The following KIF2B variants were observed in gnomAD, a reference collection of about 807,000 sequenced individuals.
The protein encoded by KIF2B is kinesin-like protein KIF2B.
In KIF2B, 5 loss-of-function variants were observed where a neutral mutation model predicts 6.8. That is an observed-to-expected ratio of 0.74 (90% CI 0.39 to 1.55). The LOEUF is 1.55. KIF2B is among the 40% of genes most tolerant of loss of function. KIF2B has a pLI of 0.03. For synonymous variants in KIF2B, 370 were observed against 330.7 expected (o/e 1.12, Z -1.29); for missense variants, 908 against 831.3 (o/e 1.09, Z -1.13).
rs747657092 is a variant in KIF2B at position 53,824,288 on chromosome 17, A to T, written c.1255A>T (p.Asn419Tyr). 1 of 1,614,126 alleles carries T rather than the reference A, an allele frequency of 6.2e-7. No individual in the cohort carries two copies. The highest frequency in any genetic ancestry group is 2.2e-5 in the East Asian group (1 of 44,870). The change falls in exon 1 of 1, where the codon AAC (asparagine) becomes TAC (tyrosine). Residue 419 changes from asparagine (N) to tyrosine (Y), a missense_variant. Asn to Tyr is a moderately radical substitution (Grantham distance 143, BLOSUM62 -2). Coordinates refer to ENST00000268919, the MANE Select transcript of KIF2B (RefSeq NM_032559.5). ...TCGGACTTCCAGGCAAACACCTGTC[A>T]ACGCTCACTCATCCAGGAGCCATGC... is the stretch of plus-strand genomic sequence containing the variant. ...SCRTSRQTPV[N>Y]AHSSRSHAVF...
rs1252293371 is a variant in KIF2B at position 53,823,858 on chromosome 17, C to T, written c.825C>T (p.Ser275=). ...ACCATGCCTTCGATGACAAAGCCTC[C>T]AACGAGTTGGTGTACCAGTTCACCG... The part of the protein sequence containing the change: ...CFDHAFDDKA[S]NELVYQFTAQ... Residue 275 remains serine, a synonymous_variant, in exon 1 of 1, where the codon TCC becomes TCT. Coordinates refer to ENST00000268919, the MANE Select transcript of KIF2B (RefSeq NM_032559.5). 8.7e-6 allele frequency: 14 copies of T among 1,614,234 alleles called. No homozygotes were observed. Among genetic ancestry groups the T allele is most frequent in the Non-Finnish European group, 1.1e-5 (13 of 1,180,050 alleles).
rs753437090 is a variant in KIF2B, at chr17:53,824,616, A to G, written c.1583A>G (p.Glu528Gly). 1 of 1,614,168 alleles carries G rather than the reference A, an allele frequency of 6.2e-7. No homozygotes were observed. Among genetic ancestry groups the G allele is most frequent in the Non-Finnish European group, 8.5e-7 (1 of 1,180,026 alleles). The change falls in exon 1 of 1, where the codon GAA becomes GGA. Residue 528 changes from glutamate (E) to glycine (G), a missense_variant. Coordinates refer to ENST00000268919, the MANE Select transcript of KIF2B (RefSeq NM_032559.5). The stretch of plus-strand genomic sequence containing the variant: ...ATCTCTCCGGGGATGACCTCTTGTG[A>G]AAACACTCTCAACACTTTAAGATAT... ...ATISPGMTSC[E>G]NTLNTLRYAN...
At position 53,822,931 on chromosome 17, in the gene KIF2B, A is replaced by C; in HGVS notation, c.-103A>C. The C allele has an allele frequency of 9.6e-7, 1 of 1,046,092 alleles. No individual in the cohort carries two copies. Among genetic ancestry groups the C allele is most frequent in the Non-Finnish European group, 1.4e-6 (1 of 720,398 alleles). The allele number at this position is 1,046,092 out of a possible 1,614,324, so 64.8% of individuals were successfully genotyped here. The stretch of plus-strand genomic sequence containing the variant: ...GCTAGGCTCACAAAGGCAGGCACAG[A>C]CTGCAACCCTGCTCAGTGCTCCGGG... On this transcript the variant is annotated 5_prime_UTR_variant, in exon 1 of 1. Transcript: ENST00000268919.
chr17:53,824,663 A>G lies in KIF2B; in HGVS notation c.1630A>G (p.Asn544Asp), dbSNP rs2143786360. 1 of 1,614,158 alleles carries G rather than the reference A, an allele frequency of 6.2e-7. No homozygotes were observed. The change falls in exon 1 of 1, where the codon AAT (asparagine) becomes GAT (aspartate). Residue 544 changes from asparagine (N) to aspartate (D), a missense_variant. By Grantham distance (23) the Asn-to-Asp change is conservative. Transcript: ENST00000268919. Reference protein sequence around the residue: ...LRYANRVKKLNVDVRPYHRGH... With the variant: ...LRYANRVKKLDVDVRPYHRGH... ...ATATGCAAACAGAGTAAAAAAATTA[A>G]ATGTAGATGTAAGGCCCTACCATCG... is the stretch of plus-strand genomic sequence containing the variant.
Position 53,823,123 on chromosome 17 carries a change from CT to C in KIF2B, c.91del (p.Tyr31ThrfsTer28). Reference protein sequence around the residue: ...PHFGDIQEGIYVAIQRSDKRI... With the variant: ...PHFGDIQEGIXVAIQRSDKRI... The stretch of plus-strand genomic sequence containing the variant: ...ATTTCGGAGACATCCAAGAGGGCAT[CT>C]ACGTGGCGATCCAGCGCAGTGACAA... On this transcript the variant is annotated frameshift_variant, in exon 1 of 1. Coordinates refer to ENST00000268919, the MANE Select transcript of KIF2B (RefSeq NM_032559.5). LOFTEE classifies it low-confidence loss of function (END_TRUNC). The C allele has an allele frequency of 6.2e-7, 1 of 1,614,214 alleles. No individual in the cohort carries two copies. The highest frequency in any genetic ancestry group is 1.6e-4 in the Middle Eastern group (1 of 6,062).
Position 53,823,342 on chromosome 17 carries a change from T to C in KIF2B, c.309T>C (p.Ser103=), listed in dbSNP as rs2143778990. The change falls in exon 1 of 1, where the codon TCT becomes TCC. Residue 103 remains serine, a synonymous_variant. Coordinates refer to ENST00000268919, the MANE Select transcript of KIF2B (RefSeq NM_032559.5). ...TATCCCCCTTGGCTCTGGCGCCCTC[T>C]TCGGCCATCAGGGACCAGCGTACCG... is the stretch of plus-strand genomic sequence containing the variant. ...PPLSPLALAP[S]SAIRDQRTAT... 2 of 1,614,112 alleles carry C rather than the reference T, an allele frequency of 1.2e-6. No individual in the cohort carries two copies. Among genetic ancestry groups the C allele is most frequent in the Non-Finnish European group, 1.7e-6 (2 of 1,180,032 alleles).
In KIF2B at chr17:53,824,494, G is replaced by A. The variant is rs1344491023; in HGVS notation, c.1461G>A (p.Gln487=). The change falls in exon 1 of 1, where the codon CAG becomes CAA. Residue 487 remains glutamine (Q), a synonymous_variant. Transcript: ENST00000268919. The part of the protein sequence containing the change: ...ALKECILALG[Q]NKPHTPFRAS... The stretch of plus-strand genomic sequence containing the variant: ...AAGAATGTATTCTGGCTTTGGGTCA[G>A]AACAAGCCTCACACCCCATTCAGAG... 6.2e-7 allele frequency: 1 copy of A among 1,614,112 alleles called. No individual in the cohort carries two copies. The highest frequency in any genetic ancestry group is 8.5e-7 in the Non-Finnish European group (1 of 1,180,028).
At position 53,823,614 on chromosome 17, in the gene KIF2B, A is replaced by G. The variant is rs1906468616; in HGVS notation, c.581A>G (p.Tyr194Cys). The stretch of plus-strand genomic sequence containing the variant: ...GAAATCATGCACATGATCGAAGAGT[A>G]TCGCAGGCACCTGGACAGCAGCAAG... Reference protein sequence around the residue: ...NYEIMHMIEEYRRHLDSSKIS... With the variant: ...NYEIMHMIEECRRHLDSSKIS... The change falls in exon 1 of 1, where the codon TAT becomes TGT. Residue 194 changes from tyrosine to cysteine, a missense_variant. Tyr to Cys is a radical substitution (Grantham distance 194, BLOSUM62 -2). Transcript: ENST00000268919. 1 of 1,613,322 alleles carries G rather than the reference A, an allele frequency of 6.2e-7. No individual in the cohort carries two copies. The highest frequency in any genetic ancestry group is 8.5e-7 in the Non-Finnish European group (1 of 1,180,052).
chr17:53,824,037 A>T lies in KIF2B; in HGVS notation c.1004A>T (p.Asp335Val), dbSNP rs1236555414. 1 of 1,614,212 alleles carries T rather than the reference A, an allele frequency of 6.2e-7. No homozygotes were observed. The highest frequency in any genetic ancestry group is 8.5e-7 in the Non-Finnish European group (1 of 1,180,036). The change falls in exon 1 of 1, where the codon GAT becomes GTT. Residue 335 changes from aspartate to valine, a missense_variant. By Grantham distance (152) the Asp-to-Val change is radical. Transcript: ENST00000268919. ...SKGIYALVAQ[D>V]VFLLLRNSTY... Reference sequence around the variant, plus strand: ...GGCATTTATGCTCTGGTGGCACAGGATGTCTTTCTCCTGCTCAGAAACTCC... The same window carrying T: ...GGCATTTATGCTCTGGTGGCACAGGTTGTCTTTCTCCTGCTCAGAAACTCC...
At position 53,822,937 on chromosome 17, in the gene KIF2B, A is replaced by T. The variant is rs1044281072; in HGVS notation, c.-97A>T. On this transcript the variant is annotated 5_prime_UTR_variant, in exon 1 of 1. Coordinates refer to ENST00000268919, the MANE Select transcript of KIF2B (RefSeq NM_032559.5). ...CTCACAAAGGCAGGCACAGACTGCAACCCTGCTCAGTGCTCCGGGCGCTTC... is the reference window on the plus strand; with the variant it reads ...CTCACAAAGGCAGGCACAGACTGCATCCCTGCTCAGTGCTCCGGGCGCTTC... 6.2e-6 allele frequency: 7 copies of T among 1,120,218 alleles called. No homozygotes were observed. In the African/African-American group the frequency reaches 9.4e-5, roughly 15 times the overall value. The allele number at this position is 1,120,218 out of a possible 1,614,324, so 69.4% of individuals were successfully genotyped here.
In KIF2B at chr17:53,824,924, C is replaced by T. The variant is rs770435453; in HGVS notation, c.1891C>T (p.His631Tyr). ...CATCCAGGAGAGAGCTGGTGGAGTA[C>T]ACCATGATATTGATTTTTGCATTGC... ...ENIQERAGGV[H>Y]HDIDFCIARS... Residue 631 changes from histidine (H) to tyrosine (Y), a missense_variant, in exon 1 of 1, where the codon CAC becomes TAC. By Grantham distance (83) the His-to-Tyr change is moderately conservative. Coordinates refer to ENST00000268919, the MANE Select transcript of KIF2B (RefSeq NM_032559.5). 10 of 1,614,060 alleles carry T rather than the reference C, an allele frequency of 6.2e-6. No homozygotes were observed. The Admixed American group carries it at 1.0e-4, about 16-fold the overall frequency.
At position 53,823,468 on chromosome 17, in the gene KIF2B, A is replaced by C. The variant is rs773091731; in HGVS notation, c.435A>C (p.Lys145Asn). 3.1e-6 allele frequency: 5 copies of C among 1,614,038 alleles called. No individual in the cohort carries two copies. In the South Asian group the frequency reaches 5.5e-5, roughly 18 times the overall value. The part of the protein sequence containing the change: ...VPSKPCLMKQ[K>N]KSPCLWEIQK... The stretch of plus-strand genomic sequence containing the variant: ...GCAAACCTTGTCTGATGAAGCAGAA[A>C]AAGTCTCCCTGCCTCTGGGAAATCC... Residue 145 changes from lysine (K) to asparagine (N), a missense_variant, in exon 1 of 1, where the codon AAA becomes AAC. Physicochemically the swap from Lys to Asn is moderately conservative, Grantham distance 94. Transcript: ENST00000268919.
rs2143777245 is a variant in KIF2B at position 53,823,032 on chromosome 17, C to T, written c.-2C>T. ...CGCTCCCTGATACCTCCATCACTCA[C>T]CATGGCCAGCCAGTTCTGCCTCCCT... On this transcript the variant is annotated 5_prime_UTR_variant, in exon 1 of 1. Transcript: ENST00000268919. The T allele has an allele frequency of 6.2e-7, 1 of 1,612,242 alleles. No homozygotes were observed. The highest frequency in any genetic ancestry group is 8.5e-7 in the Non-Finnish European group (1 of 1,178,808).
Position 53,824,167 on chromosome 17 carries a change from G to A in KIF2B, c.1134G>A (p.Glu378=), listed in dbSNP as rs2143783900. ...GGAAGAAGAAGCTGCAAGTCCTTGA[G>A]GATGGCAATCAGCAAATCCAAGTGG... ...LNWKKKLQVL[E]DGNQQIQVVG... The change falls in exon 1 of 1, where the codon GAG becomes GAA. Residue 378 remains glutamate, a synonymous_variant. Transcript: ENST00000268919. 6.2e-7 allele frequency: 1 copy of A among 1,614,220 alleles called. No homozygotes were observed. The highest frequency in any genetic ancestry group is 8.5e-7 in the Non-Finnish European group (1 of 1,180,050).
rs1390379067 is a variant in KIF2B, at chr17:53,824,452, G to C, written c.1419G>C (p.Lys473Asn). 1.9e-6 allele frequency: 3 copies of C among 1,614,010 alleles called. No individual in the cohort carries two copies. The African/African-American group carries it at 4.0e-5, about 22-fold the overall frequency. ...KRQLEGAEIN[K>N]SLLALKECIL... is the part of the protein sequence containing the mutation. ...AGCTGGAAGGGGCAGAGATTAACAAGAGTCTTCTAGCCCTCAAAGAATGTA... is the reference window on the plus strand; with the variant it reads ...AGCTGGAAGGGGCAGAGATTAACAACAGTCTTCTAGCCCTCAAAGAATGTA... The change falls in exon 1 of 1, where the codon AAG becomes AAC. Residue 473 changes from lysine to asparagine, a missense_variant. Coordinates refer to ENST00000268919, the MANE Select transcript of KIF2B (RefSeq NM_032559.5).
rs372345633 is a variant in KIF2B at position 53,824,637 on chromosome 17, G to T, written c.1604G>T (p.Arg535Ile). ...TGTGAAAACACTCTCAACACTTTAA[G>T]ATATGCAAACAGAGTAAAAAAATTA... The part of the protein sequence containing the change: ...TSCENTLNTL[R>I]YANRVKKLNV... The change falls in exon 1 of 1, where the codon AGA becomes ATA. Residue 535 changes from arginine to isoleucine, a missense_variant. Arg to Ile is a moderately conservative substitution (Grantham distance 97, BLOSUM62 -3). Transcript: ENST00000268919. 1.9e-5 allele frequency: 31 copies of T among 1,613,980 alleles called. No homozygotes were observed. Among genetic ancestry groups the T allele is most frequent in the African/African-American group, 1.6e-4 (12 of 74,904 alleles).
chr17:53,824,293 T>G lies in KIF2B; in HGVS notation c.1260T>G (p.Ala420=), dbSNP rs1232084117. 1.2e-6 allele frequency: 2 copies of G among 1,613,984 alleles called. No individual in the cohort carries two copies. Among genetic ancestry groups the G allele is most frequent in the Non-Finnish European group, 1.7e-6 (2 of 1,180,024 alleles). Residue 420 remains alanine (A), a synonymous_variant, in exon 1 of 1, where the codon GCT becomes GCG. Transcript: ENST00000268919. The stretch of plus-strand genomic sequence containing the variant: ...CTTCCAGGCAAACACCTGTCAACGC[T>G]CACTCATCCAGGAGCCATGCAGTGT... ...CRTSRQTPVN[A]HSSRSHAVFQ... is the part of the protein sequence containing the mutation.
At position 53,824,260 on chromosome 17, in the gene KIF2B, C is replaced by T. The variant is rs149955132; in HGVS notation, c.1227C>T (p.Ser409=). Residue 409 remains serine (S), a synonymous_variant, in exon 1 of 1, where the codon AGC becomes AGT. Transcript: ENST00000268919. ...EVLNLVEIGN[S]CRTSRQTPVN... Reference sequence around the variant, plus strand: ...TGAACCTGGTGGAAATAGGGAATAGCTGTCGGACTTCCAGGCAAACACCTG... The same window carrying T: ...TGAACCTGGTGGAAATAGGGAATAGTTGTCGGACTTCCAGGCAAACACCTG... The T allele has an allele frequency of 4.3e-6, 7 of 1,613,974 alleles. No homozygotes were observed. The highest frequency in any genetic ancestry group is 1.3e-5 in the African/African-American group (1 of 74,902).
At position 53,824,382 on chromosome 17, in the gene KIF2B, G is replaced by A. The variant is rs2143785053; in HGVS notation, c.1349G>A (p.Gly450Glu). 1 of 1,614,134 alleles carries A rather than the reference G, an allele frequency of 6.2e-7. No homozygotes were observed. Among genetic ancestry groups the A allele is most frequent in the Non-Finnish European group, 8.5e-7 (1 of 1,180,034 alleles). ...AAGTTTTCCCTCGTTGATTTAGCTG[G>A]GAATGAAAGAGGAGCAGATACAACC... ...HGKFSLVDLA[G>E]NERGADTTKA... The change falls in exon 1 of 1, where the codon GGG becomes GAG. Residue 450 changes from glycine to glutamate, a missense_variant. By Grantham distance (98) the Gly-to-Glu change is moderately conservative. Coordinates refer to ENST00000268919, the MANE Select transcript of KIF2B (RefSeq NM_032559.5).
Sources: gnomAD v4.1 joint callset for allele counts on GRCh38, gnomAD v4.1.1 for gene constraint, MANE v1.5 for transcripts, NCBI Gene and HGNC (gene_info 2026-07-23, HGNC 2026-07-21) for gene names.